NTRK1: variants seen among roughly 807,000 people sequenced by gnomAD.
NTRK1 encodes high affinity nerve growth factor receptor.
In NTRK1, 62 loss-of-function variants were observed where a neutral mutation model predicts 86.8. That is an observed-to-expected ratio of 0.71 (90% CI 0.58 to 0.88). NTRK1 has a LOEUF of 0.88. Ranked by LOEUF, NTRK1 falls within the 40% of genes least tolerant of loss-of-function variation. NTRK1 has a pLI of 0.00. For missense variants in NTRK1, 967 were observed against 1,078.4 expected (o/e 0.90, Z 1.45); for synonymous variants, 469 against 456.6 (o/e 1.03, Z -0.35).
At chr1:156,843,909 G>A (rs1217585501) in intron 2 of NTRK1, among the ~76,000 whole-genome samples, 1 of 152,210 alleles carries the variant, frequency 6.6e-6, no homozygotes, top group Admixed American at 6.5e-5. Flanking sequence ...TGAGAGTGTG[G>A]TGACCAACAA....
At chr1:156,817,325 G>A (rs1245285322) in intron 1 of NTRK1, among the ~76,000 whole-genome samples, 3 of 152,034 alleles carry the variant, frequency 2.0e-5, no homozygotes, top group South Asian at 4.1e-4. Context: ...GCTCATGCTT[G>A]TAATCCCAGT....
chr1:156,833,232 T>C (rs913712125), intron 1 of NTRK1, among the ~76,000 whole-genome samples: 3 of 152,240 alleles, frequency 2.0e-5, no homozygotes, highest in African/African-American at 7.2e-5. Context: ...TCAGCAATAG[T>C]GTGAGCTTAC....
Position 156,873,972 on chromosome 1 carries a change from T to C in NTRK1, c.1177+13T>C, listed in dbSNP as rs2102906588. On this transcript the variant is annotated intron_variant, in intron 8 of 16. Coordinates refer to ENST00000524377, the MANE Select transcript of NTRK1 (RefSeq NM_002529.4). Reference sequence around the variant, plus strand: ...GACCCCATCCCTGGTGCGAGGGCCATCCTGAACCCTGCCCCCACTCCTGGG... The same window carrying C: ...GACCCCATCCCTGGTGCGAGGGCCACCCTGAACCCTGCCCCCACTCCTGGG... 6.4e-7 allele frequency: 1 copy of C among 1,551,422 alleles called. No individual in the cohort carries two copies. The highest frequency in any genetic ancestry group is 2.4e-5 in the East Asian group (1 of 40,930).
chr1:156,842,087 C>G, exon 2 of NTRK1: 1 of 1,613,612 alleles, frequency 6.2e-7, no homozygotes, highest in African/African-American at 1.3e-5. Flanking sequence ...TCAGGCCGCC[C>G]TCATCTGCCT....
chr1:156,875,115 A>T (rs1647820888), intron 11 of NTRK1, 107 bp downstream of exon 11: 1 of 834,596 alleles, frequency 1.2e-6, no homozygotes, highest in South Asian at 1.4e-5. Flanking sequence ...TGGGAGTTCC[A>T]GGGCGTGTGA....
intron 1 of NTRK1, chr1:156,841,750 T>G: frequency 6.2e-7 from 1 of 1,614,044 alleles, no homozygotes. Flanking sequence ...TTCCCACCCT[T>G]GCGGTAATAG....
chr1:156,821,727 G>A lies in NTRK1; in HGVS notation c.-64+5889G>A, dbSNP rs571452478. Among the ~76,000 whole-genome samples the A allele has an allele frequency of 2.7e-3, 406 of 152,328 alleles. 1 individual carries two copies. The highest frequency in any genetic ancestry group is 3.7e-3 in the Non-Finnish European group (250 of 68,026). On this transcript the variant is annotated intron_variant, in intron 1 of 16. Transcript: ENST00000392302. ...GCTTGGTAAGCATTTCACTTGGCAA[G>A]GAGGACTTTCTTCAGACAGGGTGCA...
upstream of NTRK1, among the ~76,000 whole-genome samples, chr1:156,857,901 T>C (rs560703433): frequency 7.9e-5 from 12 of 152,226 alleles, no homozygotes; most frequent in East Asian, 1.7e-3. Context: ...ATGAGGGTCA[T>C]TTAGTCTATA....
At chr1:156,873,567 C>T (rs185255066) in intron 7 of NTRK1, 66 bp from the exon 8 acceptor site, 29 of 1,395,336 alleles carry the variant, frequency 2.1e-5, no homozygotes, top group Admixed American at 3.6e-5. Context: ...GTGGACTTGT[C>T]GGGTGTGTGC....
chr1:156,844,236 G>GTGGCAGTGAGGA (rs1331100033), intron 2 of NTRK1: 29 of 1,613,946 alleles, frequency 1.8e-5, no homozygotes, highest in Non-Finnish European at 2.5e-5. Context: ...AGCCCCACAG[G>GTGGCAGTGAGGA]GGTGGCAGTG....
chr1:156,847,046 A>G (rs1022282385), intron 2 of NTRK1, among the ~76,000 whole-genome samples: 1 of 152,238 alleles, frequency 6.6e-6, no homozygotes, highest in Non-Finnish European at 1.5e-5. Context: ...AAATAAAACA[A>G]GAAAGTGTGT....
chr1:156,816,219 G>A lies in NTRK1; in HGVS notation c.-64+381G>A, dbSNP rs1452468767. On this transcript the variant is annotated intron_variant, in intron 1 of 16. Coordinates refer to the NTRK1 transcript ENST00000392302. ...GGACAGTCTTAACGACAGGAAAAAC[G>A]CAGAAGGGCAGCAGGGGAGTTTCTC... 6.5e-5 allele frequency: 93 copies of A among 1,423,218 alleles called. No homozygotes were observed. In the East Asian group the frequency reaches 1.9e-3, roughly 29 times the overall value. 88.2% of individuals were successfully genotyped at this position (1,423,218 alleles called of 1,614,324 possible).
In NTRK1 at chr1:156,871,491, T is replaced by A. The variant is rs1185002485; in HGVS notation, c.718-132T>A. On this transcript the variant is annotated intron_variant, in intron 6 of 16. Transcript: ENST00000524377. ...TATCTGCTACATTCTCTCCCACCCC[T>A]CTCTCCCTTCTCTTCCCTCCCAGCC... 5 of 873,436 alleles carry A rather than the reference T, an allele frequency of 5.7e-6. No individual in the cohort carries two copies. In the East Asian group the frequency reaches 1.0e-4, roughly 18 times the overall value. The allele number at this position is 873,436 out of a possible 1,614,324, so 54.1% of individuals were successfully genotyped here. A position where few individuals can be genotyped will look rare whatever the true frequency, so the allele number is the denominator to read the frequency against.
chr1:156,843,468 AG>A (rs1474865653), intron 2 of NTRK1: 1 of 1,614,196 alleles, frequency 6.2e-7, no homozygotes, highest in Non-Finnish European at 8.5e-7. Flanking sequence ...AGAAGCATAC[AG>A]GGTTCTGTTT....
chr1:156,851,970 GCA>G (rs1406839762), intron 2 of NTRK1: 1 of 1,608,734 alleles, frequency 6.2e-7, no homozygotes, highest in Non-Finnish European at 8.5e-7. Context: ...GCACGGCCGG[GCA>G]CAGAGTGCAG....
At chr1:156,828,377 G>C (rs893175698) in intron 1 of NTRK1, among the ~76,000 whole-genome samples, 20 of 152,282 alleles carry the variant, frequency 1.3e-4, no homozygotes, top group African/African-American at 4.8e-4. Flanking sequence ...GCATGCAGGA[G>C]ATGCTGAGTA....
chr1:156,869,329 C>T (rs928931919), intron 6 of NTRK1, among the ~76,000 whole-genome samples: 3 of 152,100 alleles, frequency 2.0e-5, no homozygotes, highest in South Asian at 2.1e-4. Flanking sequence ...CCACCCACCT[C>T]GGCCTCCCAA....
At chr1:156,852,620 C>T (rs1454421927) in intron 2 of NTRK1, among the ~76,000 whole-genome samples, 1 of 152,180 alleles carries the variant, frequency 6.6e-6, no homozygotes, top group Non-Finnish European at 1.5e-5. Flanking sequence ...GTCGTTTTAC[C>T]CATGCTCCTG....
At position 156,866,325 on chromosome 1, in the gene NTRK1, G is replaced by T. The variant is rs529822866; in HGVS notation, c.360-585G>T. Among the ~76,000 whole-genome samples, 120 of 152,350 alleles carry T rather than the reference G, an allele frequency of 7.9e-4. 1 individual carries two copies. The highest frequency in any genetic ancestry group is 2.8e-3 in the African/African-American group (117 of 41,580). On this transcript the variant is annotated intron_variant, in intron 3 of 16. Transcript: ENST00000524377. The stretch of plus-strand genomic sequence containing the variant: ...ATTTTCCTGTGTGGCCTGGAGCCGG[G>T]CCCCTGCTGGGCTCACTTTTTCCAT...
Sources: gnomAD v4.1 joint callset for allele counts (sites outside exome capture counted in the v4.1 genomes callset) on GRCh38, gnomAD v4.1.1 for gene constraint, MANE v1.5 for transcripts, NCBI Gene and HGNC (gene_info 2026-07-23, HGNC 2026-07-21) for gene names.